GRIK1: variants seen among roughly 807,000 people sequenced by gnomAD.
GRIK1 encodes the protein glutamate receptor ionotropic, kainate 1.
A neutral mutation model predicts 105.7 loss-of-function variants in GRIK1; 69 were observed. That is an observed-to-expected ratio of 0.65 (90% CI 0.54 to 0.80). GRIK1 has a LOEUF of 0.80. Ranked by LOEUF, GRIK1 falls within the 30% of genes least tolerant of loss-of-function variation. GRIK1 has a pLI of 0.00. For synonymous variants in GRIK1, 438 were observed against 431.3 expected, an observed-to-expected ratio of 1.02 and a Z score of -0.19; for missense variants, 1,109 against 1,167.3, an observed-to-expected ratio of 0.95 and a Z score of 0.73.
intron 4 of GRIK1, among the ~76,000 whole-genome samples, chr21:29,671,025 G>A (rs1285980447): frequency 6.6e-6 from 1 of 152,158 alleles, no homozygotes; most frequent in Admixed American, 6.6e-5. Context: ...TATGACTCTG[G>A]CAATATCATT....
At chr21:29,580,132 C>CAT (rs1555839918) in intron 13 of GRIK1, among the ~76,000 whole-genome samples, 7 of 141,866 alleles carry the variant, frequency 4.9e-5, no homozygotes, top group South Asian at 2.2e-4. Context: ...CATATACACA[C>CAT]ATATATATAC....
chr21:29,756,345 C>T (rs548884264), intron 1 of GRIK1, among the ~76,000 whole-genome samples: 25 of 152,236 alleles, frequency 1.6e-4, no homozygotes, highest in South Asian at 4.2e-4. Flanking sequence ...GGTGCCACTG[C>T]ACTCCAGCCT....
At chr21:29,919,567 C>G (rs2071122632) in intron 1 of GRIK1, among the ~76,000 whole-genome samples, 1 of 152,124 alleles carries the variant, frequency 6.6e-6, no homozygotes, top group African/African-American at 2.4e-5. Flanking sequence ...TCAAGGCTTT[C>G]TTTGTCTTAA....
At chr21:29,829,147 G>T (rs1353825836) in intron 1 of GRIK1, among the ~76,000 whole-genome samples, 1 of 152,094 alleles carries the variant, frequency 6.6e-6, no homozygotes, top group Non-Finnish European at 1.5e-5. Context: ...ATAGAAAGTT[G>T]TTTCCTAGGT....
intron 5 of GRIK1, among the ~76,000 whole-genome samples, chr21:29,652,451 A>G (rs1464028871): frequency 6.6e-6 from 1 of 152,198 alleles, no homozygotes; most frequent in Admixed American, 6.5e-5. Flanking sequence ...TGCTCTTCAG[A>G]GGACATACTA....
chr21:29,825,359 G>C (rs547485592), intron 1 of GRIK1, among the ~76,000 whole-genome samples: 1 of 152,060 alleles, frequency 6.6e-6, no homozygotes, highest in Non-Finnish European at 1.5e-5. Context: ...ATGATGTAAA[G>C]AAAGCAAGAT....
chr21:29,709,751 T>A (rs1235589186), intron 1 of GRIK1, among the ~76,000 whole-genome samples: 1 of 152,020 alleles, frequency 6.6e-6, no homozygotes, highest in Non-Finnish European at 1.5e-5. Flanking sequence ...TTGAGTTTGA[T>A]CTTTTATAAT....
intron 7 of GRIK1, among the ~76,000 whole-genome samples, chr21:29,613,445 C>T (rs1351381391): frequency 6.6e-6 from 1 of 152,160 alleles, no homozygotes; most frequent in Non-Finnish European, 1.5e-5. Context: ...ATAAGAATCA[C>T]TGGAAAAGGG....
At chr21:29,706,006 T>C (rs1048846365) in intron 1 of GRIK1, among the ~76,000 whole-genome samples, 12 of 152,162 alleles carry the variant, frequency 7.9e-5, no homozygotes, top group African/African-American at 2.9e-4. Context: ...CCTGAGTAGC[T>C]GGTACTACAG....
rs2145903922 is a variant in GRIK1 at position 29,814,659 on chromosome 21, G to T, written c.119-120596C>A. ...AGGTTTGGGGTTGTTATGGTGACAG[G>T]ATGGGAATAACTTGGGAGGCAAAGA... On this transcript the variant is annotated intron_variant, in intron 1 of 17. Coordinates refer to ENST00000327783, the MANE Select transcript of GRIK1 (RefSeq NM_001330994.2). Among the ~76,000 whole-genome samples the T allele has an allele frequency of 2.0e-5, 3 of 152,226 alleles. No homozygotes were observed. The Middle Eastern group carries it at 0.01, about 518-fold the overall frequency.
chr21:29,653,407 C>G (rs1004745203), intron 5 of GRIK1, among the ~76,000 whole-genome samples: 1 of 152,188 alleles, frequency 6.6e-6, no homozygotes, highest in Non-Finnish European at 1.5e-5. Context: ...TGCTACATCC[C>G]CTTGTGCATG....
chr21:29,541,305 G>A (rs879292275), intron 16 of GRIK1, among the ~76,000 whole-genome samples: 1 of 152,150 alleles, frequency 6.6e-6, no homozygotes, highest in Non-Finnish European at 1.5e-5. Context: ...TTGGTGCCTG[G>A]TATCAGAATG....
chr21:29,727,756 A>G (rs768915814), intron 1 of GRIK1, among the ~76,000 whole-genome samples: 1 of 152,214 alleles, frequency 6.6e-6, no homozygotes, highest in African/African-American at 2.4e-5. Flanking sequence ...CACAGAATCA[A>G]TGGGATATAA....
chr21:29,774,605 C>A (rs1247836295), intron 1 of GRIK1, among the ~76,000 whole-genome samples: 1 of 152,098 alleles, frequency 6.6e-6, no homozygotes, highest in African/African-American at 2.4e-5. Context: ...GCACCTGCTA[C>A]CATGACTGGC....
intron 16 of GRIK1, among the ~76,000 whole-genome samples, chr21:29,539,215 T>C (rs2089931045): frequency 6.6e-6 from 1 of 152,162 alleles, no homozygotes; most frequent in African/African-American, 2.4e-5. Context: ...TACAGATGCT[T>C]CTCACTTACT....
chr21:29,588,974 A>G lies in GRIK1; in HGVS notation c.1434T>C (p.Tyr478=). The G allele has an allele frequency of 6.2e-7, 1 of 1,602,558 alleles. No individual in the cohort carries two copies. The highest frequency in any genetic ancestry group is 8.6e-7 in the Non-Finnish European group (1 of 1,169,450). ...PLYGNDRFEG[Y]CLDLLKELSN... The stretch of plus-strand genomic sequence containing the variant: ...ACAATTCTTTCAACAGGTCTAGGCA[A>G]TATCCTTCAAATCTGTCATTTCCAT... The change falls in exon 11 of 18, where the codon TAT becomes TAC. Residue 478 remains tyrosine (Y), a synonymous_variant. Coordinates refer to ENST00000327783, the MANE Select transcript of GRIK1 (RefSeq NM_001330994.2).
At chr21:29,703,551 A>G (rs1238714477) in intron 1 of GRIK1, among the ~76,000 whole-genome samples, 1 of 152,246 alleles carries the variant, frequency 6.6e-6, no homozygotes, top group African/African-American at 2.4e-5. Context: ...TTAAATTCTA[A>G]GATTCCCTTA....
intron 4 of GRIK1, among the ~76,000 whole-genome samples, chr21:29,663,443 G>A (rs540685317): frequency 2.0e-5 from 3 of 152,302 alleles, no homozygotes; most frequent in Admixed American, 6.5e-5. Flanking sequence ...CCAGGGACTA[G>A]GAGGTGCTTA....
At chr21:29,784,911 T>C (rs558002225) in intron 1 of GRIK1, among the ~76,000 whole-genome samples, 1 of 152,310 alleles carries the variant, frequency 6.6e-6, no homozygotes, top group African/African-American at 2.4e-5. Context: ...AAGGGGTATT[T>C]TGCAGCTGAA....
Sources: allele counts gnomAD v4.1 joint callset (sites outside exome capture counted in the v4.1 genomes callset), GRCh38; gene constraint gnomAD v4.1.1; transcripts MANE v1.5; gene names NCBI Gene and HGNC (gene_info 2026-07-23, HGNC 2026-07-21).